Variants in IPMK observed in about 807,000 individuals in gnomAD.
The protein encoded by IPMK is inositol polyphosphate multikinase.
Under a neutral mutation model 45.8 loss-of-function variants are expected in IPMK, and 17 were observed. That is an observed-to-expected ratio of 0.37 (90% CI 0.25 to 0.56). The LOEUF is 0.56. IPMK is among the 20% of genes least tolerant of loss of function. The pLI, the probability that IPMK is intolerant of heterozygous loss-of-function variation, is 0.79. For missense variants in IPMK, 399 were observed against 498.0 expected (o/e 0.80, Z 1.89); for synonymous variants, 180 against 184.3 (o/e 0.98, Z 0.19).
chr10:58,259,601 G>A (rs1002563005), intron 1 of IPMK, among the ~76,000 whole-genome samples: 1 of 149,262 alleles, frequency 6.7e-6, no homozygotes, highest in African/African-American at 2.5e-5. Flanking sequence ...GAGAGTCTGA[G>A]GTGGGTGGAT....
chr10:58,246,218 G>T (rs1240631738), intron 1 of IPMK, among the ~76,000 whole-genome samples: 1 of 148,682 alleles, frequency 6.7e-6, no homozygotes, highest in Non-Finnish European at 1.5e-5. Flanking sequence ...CGTGAAAATG[G>T]CCATACTGCC....
chr10:58,214,225 G>C (rs1360348411), intron 4 of IPMK, among the ~76,000 whole-genome samples: 1 of 152,156 alleles, frequency 6.6e-6, no homozygotes, highest in African/African-American at 2.4e-5. Flanking sequence ...GCGTACAGAG[G>C]AACTGTCCTT....
intron 2 of IPMK, among the ~76,000 whole-genome samples, chr10:58,234,614 T>A (rs996645990): frequency 5.3e-5 from 8 of 152,204 alleles, no homozygotes; most frequent in African/African-American, 1.7e-4. Flanking sequence ...GCTAGCCATA[T>A]GGAGAAAGCT....
In IPMK at chr10:58,202,748, A is replaced by T. The variant is rs190014122; in HGVS notation, c.547-3427T>A. On this transcript the variant is annotated intron_variant, in intron 4 of 5. Coordinates refer to ENST00000373935, the MANE Select transcript of IPMK (RefSeq NM_152230.5). ...CATCTGTTTATAGCATGGTTTACTG[A>T]ATATTTTCAGCCCACCATTGAGAAC... 1.1e-3 allele frequency among the ~76,000 whole-genome samples: 165 copies of T among 152,310 alleles called. 1 individual carries two copies. Among genetic ancestry groups the T allele is most frequent in the Non-Finnish European group, 2.1e-3 (145 of 68,034 alleles).
At position 58,197,326 on chromosome 10, in the gene IPMK, A is replaced by AATAAATAAATACATACATAC. The variant is rs764500371; in HGVS notation, c.629-629_629-628insGTATGTATGTATTTATTTAT. Reference sequence around the variant, plus strand: ...AAATAAATAAATAAATAAATAAATAAATACATAAATACATAAACACATAAA... The same window carrying AATAAATAAATACATACATAC: ...AAATAAATAAATAAATAAATAAATAAATAAATAAATACATACATACATACATAAATACATAAACACATAAA... On this transcript the variant is annotated intron_variant, in intron 5 of 5. Transcript: ENST00000373935. 1.5e-3 allele frequency among the ~76,000 whole-genome samples: 219 copies of AATAAATAAATACATACATAC among 146,504 alleles called. 1 individual carries two copies. Among genetic ancestry groups the AATAAATAAATACATACATAC allele is most frequent in the Admixed American group, 4.9e-3 (74 of 14,968 alleles).
In IPMK at chr10:58,267,498, G is replaced by C. The variant is rs747260654; in HGVS notation, c.114C>G (p.Gly38=). 1.2e-6 allele frequency: 2 copies of C among 1,613,324 alleles called. No homozygotes were observed. The highest frequency in any genetic ancestry group is 1.3e-5 in the African/African-American group (1 of 74,936). Residue 38 remains glycine (G), a synonymous_variant, in exon 1 of 6, where the codon GGC becomes GGG. Coordinates refer to ENST00000373935, the MANE Select transcript of IPMK (RefSeq NM_152230.5). Reference sequence around the variant, plus strand: ...CGCAGCCGTTGAGGAAGCGGAGTCTGCCGCCCGCCGGCTGCGGGGTGCCCT... The same window carrying C: ...CGCAGCCGTTGAGGAAGCGGAGTCTCCCGCCCGCCGGCTGCGGGGTGCCCT... ...TPEGTPQPAG[G]RLRFLNGCVP... is the part of the protein sequence containing the mutation.
Position 58,267,578 on chromosome 10 carries a change from C to G in IPMK, c.34G>C (p.Glu12Gln). 1.9e-6 allele frequency: 3 copies of G among 1,606,820 alleles called. No homozygotes were observed. The highest frequency in any genetic ancestry group is 2.5e-6 in the Non-Finnish European group (3 of 1,177,006). Residue 12 changes from glutamate to glutamine, a missense_variant, in exon 1 of 6, where the codon GAG becomes CAG. Around this residue, in one of 2 missense-constraint regions of IPMK, gnomAD observed 111 missense variants for 99.9 expected, o/e 1.11. Coordinates refer to ENST00000373935, the MANE Select transcript of IPMK (RefSeq NM_152230.5). ...CGCATTTCTGGGGGGCCCGGCGCCT[C>G]GACCCGGAGGGGGGATGGTGGCTCT... is the stretch of plus-strand genomic sequence containing the variant. ...ATEPPSPLRVEAPGPPEMRTS... is the reference protein window; with the variant it reads ...ATEPPSPLRVQAPGPPEMRTS...
At chr10:58,257,294 A>AG (rs1471727425) in intron 1 of IPMK, among the ~76,000 whole-genome samples, 2 of 152,132 alleles carry the variant, frequency 1.3e-5, no homozygotes, top group Non-Finnish European at 2.9e-5. Flanking sequence ...CAGGAGTTCG[A>AG]GACAAGCCTG....
intron 5 of IPMK, among the ~76,000 whole-genome samples, chr10:58,197,523 G>A (rs541597782): frequency 1.3e-5 from 2 of 151,078 alleles, no homozygotes; most frequent in South Asian, 4.2e-4. Context: ...GGTGGCGGAC[G>A]CCTGTAGTCC....
chr10:58,216,852 C>T (rs1195953901), intron 3 of IPMK, among the ~76,000 whole-genome samples: 1 of 152,064 alleles, frequency 6.6e-6, no homozygotes, highest in Non-Finnish European at 1.5e-5. Context: ...AAACACGAAT[C>T]TTGCTTTTTA....
chr10:58,201,724 G>A (rs1337889407), intron 4 of IPMK, among the ~76,000 whole-genome samples: 1 of 152,140 alleles, frequency 6.6e-6, no homozygotes, highest in Non-Finnish European at 1.5e-5. Context: ...TAGTAAGGAA[G>A]GCATCCTGAA....
chr10:58,243,649 C>G (rs537238440), intron 1 of IPMK, among the ~76,000 whole-genome samples: 2 of 152,220 alleles, frequency 1.3e-5, no homozygotes. Flanking sequence ...GGATTGCAGA[C>G]GGAGTCTCGC....
At chr10:58,251,637 T>C (rs1443210674) in intron 1 of IPMK, among the ~76,000 whole-genome samples, 4 of 152,190 alleles carry the variant, frequency 2.6e-5, no homozygotes, top group African/African-American at 7.2e-5. Context: ...TCCACTAATA[T>C]GTTTTATATA....
intron 4 of IPMK, chr10:58,212,993 A>T (rs573791570): frequency 1.1e-4 from 18 of 170,076 alleles, no homozygotes; most frequent in Admixed American, 9.7e-4. Context: ...ATGTGGAATA[A>T]CACCTATCTC....
At chr10:58,249,136 C>T (rs1838846610) in intron 1 of IPMK, among the ~76,000 whole-genome samples, 1 of 152,242 alleles carries the variant, frequency 6.6e-6, no homozygotes, top group African/African-American at 2.4e-5. Context: ...TACTAATTTA[C>T]ATACCTAACA....
intron 4 of IPMK, among the ~76,000 whole-genome samples, chr10:58,214,868 C>T (rs1007686124): frequency 6.6e-6 from 1 of 152,104 alleles, no homozygotes; most frequent in African/African-American, 2.4e-5. Flanking sequence ...TCAAAATGGC[C>T]TCAACAAAAT....
At chr10:58,252,746 G>A (rs1311719723) in intron 1 of IPMK, among the ~76,000 whole-genome samples, 1 of 151,364 alleles carries the variant, frequency 6.6e-6, no homozygotes, top group Non-Finnish European at 1.5e-5. Context: ...CTGAATAGGT[G>A]GGATTACAGG....
intron 2 of IPMK, among the ~76,000 whole-genome samples, chr10:58,228,883 G>T (rs549424059): frequency 6.6e-6 from 1 of 152,160 alleles, no homozygotes; most frequent in South Asian, 2.1e-4. Flanking sequence ...GGAAAAAAAA[G>T]GGAATTCTTC....
chr10:58,213,213 G>A (rs1838191771), intron 4 of IPMK, among the ~76,000 whole-genome samples: 1 of 150,730 alleles, frequency 6.6e-6, no homozygotes, highest in Non-Finnish European at 1.5e-5. Context: ...TTTAAGTAAG[G>A]TATCCAGTAA....
Sources: gnomAD v4.1 joint callset for allele counts (sites outside exome capture counted in the v4.1 genomes callset) on GRCh38, gnomAD v4.1.1 for gene constraint, gnomAD v4.1.1 regional missense constraint, MANE v1.5 for transcripts, NCBI Gene and HGNC (gene_info 2026-07-23, HGNC 2026-07-21) for gene names.